Variants in CACNA2D3 observed in about 807,000 individuals in gnomAD.
CACNA2D3 encodes the protein voltage-dependent calcium channel subunit alpha-2/delta-3.
A neutral mutation model predicts 160.6 loss-of-function variants in CACNA2D3; 60 were observed. That is an observed-to-expected ratio of 0.37 (90% CI 0.30 to 0.46). The LOEUF is 0.46. CACNA2D3 is among the 20% of genes least tolerant of loss of function. The probability of loss-of-function intolerance (pLI) is 1.00; values close to 1 mark genes in which losing one functional copy is unlikely to be tolerated. For synonymous variants in CACNA2D3, 558 were observed against 492.9 expected (o/e 1.13, Z -1.75); for missense variants, 1,205 against 1,365.0 (o/e 0.88, Z 1.85).
At chr3:54,621,427 C>A (rs1698986214) in intron 9 of CACNA2D3, among the ~76,000 whole-genome samples, 1 of 152,188 alleles carries the variant, frequency 6.6e-6, no homozygotes, top group Admixed American at 6.5e-5. Context: ...GGGCTCATCT[C>A]CCCAGGCATT....
intron 2 of CACNA2D3, among the ~76,000 whole-genome samples, chr3:54,163,533 G>T (rs186004704): frequency 2.0e-5 from 3 of 152,176 alleles, no homozygotes; most frequent in African/African-American, 7.2e-5. Flanking sequence ...CTTCCTGCTC[G>T]CGTTTCATTA....
chr3:54,800,738 C>G (rs1702966291), intron 13 of CACNA2D3, among the ~76,000 whole-genome samples: 1 of 152,144 alleles, frequency 6.6e-6, no homozygotes, highest in Non-Finnish European at 1.5e-5. Context: ...GGCTGTACTA[C>G]TAGAACAAAA....
intron 27 of CACNA2D3, among the ~76,000 whole-genome samples, chr3:54,939,292 C>G (rs971410941): frequency 1.3e-5 from 2 of 152,166 alleles, no homozygotes; most frequent in African/African-American, 4.8e-5. Flanking sequence ...AAAATTGAAA[C>G]TTGATGAGAC....
intron 4 of CACNA2D3, among the ~76,000 whole-genome samples, chr3:54,474,398 G>A (rs975419439): frequency 6.6e-6 from 1 of 152,002 alleles, no homozygotes; most frequent in Non-Finnish European, 1.5e-5. Context: ...GGGCCTGTCA[G>A]GGGGTGGGGG....
intron 12 of CACNA2D3, 84 bp from the exon 13 acceptor site, chr3:54,764,134 G>T: frequency 6.9e-7 from 1 of 1,453,510 alleles, no homozygotes; most frequent in Non-Finnish European, 9.5e-7. Context: ...TAGCTAGAGG[G>T]CAAGAAGGCA....
intron 31 of CACNA2D3, among the ~76,000 whole-genome samples, chr3:54,998,798 G>C (rs1702918063): frequency 1.3e-5 from 2 of 152,092 alleles, no homozygotes; most frequent in Non-Finnish European, 2.9e-5. Context: ...CCAGGCTGGA[G>C]TGCAGTGGCG....
At chr3:54,415,070 G>A (rs1348787788) in intron 4 of CACNA2D3, among the ~76,000 whole-genome samples, 3 of 152,006 alleles carry the variant, frequency 2.0e-5, no homozygotes, top group Non-Finnish European at 4.4e-5. Flanking sequence ...TGGCATATCC[G>A]AAATTATGCT....
At chr3:54,709,911 C>T (rs1044518992) in intron 11 of CACNA2D3, among the ~76,000 whole-genome samples, 1 of 152,144 alleles carries the variant, frequency 6.6e-6, no homozygotes, top group East Asian at 1.9e-4. Context: ...CATGAAAGAG[C>T]AAGACCCTGT....
intron 2 of CACNA2D3, among the ~76,000 whole-genome samples, chr3:54,164,076 G>A (rs1700402414): frequency 6.6e-6 from 1 of 152,202 alleles, no homozygotes; most frequent in Non-Finnish European, 1.5e-5. Context: ...CAGTTAGCCA[G>A]GTGAAGAGGA....
At chr3:54,315,866 A>C (rs1195936687) in intron 2 of CACNA2D3, among the ~76,000 whole-genome samples, 1 of 152,252 alleles carries the variant, frequency 6.6e-6, no homozygotes, top group Non-Finnish European at 1.5e-5. Flanking sequence ...AATTGGGACC[A>C]CATTCCCTTA....
At chr3:54,890,593 A>G (rs1027751177) in intron 24 of CACNA2D3, among the ~76,000 whole-genome samples, 2 of 152,198 alleles carry the variant, frequency 1.3e-5, no homozygotes, top group Admixed American at 1.3e-4. Flanking sequence ...ATACCTTGCA[A>G]ATCTCCTAAA....
At chr3:54,607,861 T>C (rs1389495756) in intron 9 of CACNA2D3, among the ~76,000 whole-genome samples, 1 of 152,188 alleles carries the variant, frequency 6.6e-6, no homozygotes, top group African/African-American at 2.4e-5. Context: ...ATAAACAGAC[T>C]ATGGTACATT....
At chr3:54,354,786 G>A (rs1698621272) in intron 3 of CACNA2D3, among the ~76,000 whole-genome samples, 1 of 152,176 alleles carries the variant, frequency 6.6e-6, no homozygotes, top group Non-Finnish European at 1.5e-5. Flanking sequence ...GAGCTTGAGT[G>A]GGATTCCAGC....
chr3:54,122,639 C>T lies in CACNA2D3; in HGVS notation c.-75C>T, dbSNP rs1699497279. ...GGAGCAGGCAGCCCCGCGCGCTCGC[C>T]CACCGCCCGCTCCGCGCAGCTCCCC... On this transcript the variant is annotated 5_prime_UTR_variant, in exon 1 of 38. Coordinates refer to ENST00000474759, the MANE Select transcript of CACNA2D3 (RefSeq NM_018398.3). The T allele has an allele frequency of 1.0e-6, 1 of 968,930 alleles. No individual in the cohort carries two copies. The highest frequency in any genetic ancestry group is 1.2e-6 in the Non-Finnish European group (1 of 816,486). 60.0% of individuals were successfully genotyped at this position (968,930 alleles called of 1,614,324 possible).
At chr3:54,717,272 A>G (rs1701067661) in intron 11 of CACNA2D3, among the ~76,000 whole-genome samples, 1 of 152,194 alleles carries the variant, frequency 6.6e-6, no homozygotes, top group African/African-American at 2.4e-5. Context: ...ATTTCAAATT[A>G]TGCTGCTGTG....
At chr3:54,991,488 G>T (rs980680497) in intron 31 of CACNA2D3, among the ~76,000 whole-genome samples, 1 of 152,134 alleles carries the variant, frequency 6.6e-6, no homozygotes, top group Non-Finnish European at 1.5e-5. Flanking sequence ...CTCCCAAAGT[G>T]CTAGGATTAC....
In CACNA2D3 at chr3:54,429,872, A is replaced by T. The variant is rs577838788; in HGVS notation, c.381+43098A>T. On this transcript the variant is annotated intron_variant, in intron 4 of 37. Coordinates refer to ENST00000474759, the MANE Select transcript of CACNA2D3 (RefSeq NM_018398.3). ...ATTTCATTATACTGCAGAAAATTTA[A>T]CATCCGTGAAATAAGAATAACGTAA... Among the ~76,000 whole-genome samples the T allele has an allele frequency of 1.8e-4, 27 of 152,328 alleles. No homozygotes were observed. In the South Asian group the frequency reaches 5.4e-3, roughly 30 times the overall value.
chr3:54,926,172 T>C (rs1208329237), intron 27 of CACNA2D3, among the ~76,000 whole-genome samples: 1 of 152,172 alleles, frequency 6.6e-6, no homozygotes, highest in Non-Finnish European at 1.5e-5. Context: ...AAAACAATCA[T>C]TAGTAATGAC....
rs181633623 is a variant in CACNA2D3 at position 54,603,453 on chromosome 3, C to T, written c.963+21576C>T. ...AGGGGTCTCTCTGGCTCCCAGAAGA[C>T]AAGTCCTGACTCAACTTCCTTCCTC... On this transcript the variant is annotated intron_variant, in intron 9 of 37. Transcript: ENST00000474759. Among the ~76,000 whole-genome samples the T allele has an allele frequency of 2.6e-5, 4 of 152,360 alleles. No homozygotes were observed. The East Asian group carries it at 7.7e-4, about 29-fold the overall frequency.
Sources: allele counts gnomAD v4.1 joint callset (sites outside exome capture counted in the v4.1 genomes callset), GRCh38; gene constraint gnomAD v4.1.1; transcripts MANE v1.5; gene names NCBI Gene and HGNC (gene_info 2026-07-23, HGNC 2026-07-21).